GRID2: variants seen among roughly 807,000 people sequenced by gnomAD.
GRID2 encodes glutamate receptor ionotropic, delta-2.
In GRID2, 33 loss-of-function variants were observed where a neutral mutation model predicts 114.8. The ratio of observed to expected loss-of-function variants is 0.29; its 90% CI spans 0.22 to 0.38. GRID2 has a LOEUF of 0.38. GRID2 is among the 10% of genes least tolerant of loss of function. GRID2 has a pLI of 1.00. For missense variants in GRID2, 1,184 were observed against 1,257.7 expected (o/e 0.94, Z 0.89); for synonymous variants, 505 against 449.9 (o/e 1.12, Z -1.55).
chr4:92,762,246 G>A (rs923237430), intron 2 of GRID2, among the ~76,000 whole-genome samples: 4 of 152,034 alleles, frequency 2.6e-5, no homozygotes, highest in East Asian at 1.9e-4. Flanking sequence ...TTATGATACT[G>A]TCCAGGCTGA....
At chr4:93,405,425 TGTG>T (rs1426461181) in intron 9 of GRID2, among the ~76,000 whole-genome samples, 1 of 152,162 alleles carries the variant, frequency 6.6e-6, no homozygotes, top group Non-Finnish European at 1.5e-5. Context: ...CTATTGTATA[TGTG>T]GTAGCCATGC....
intron 1 of GRID2, among the ~76,000 whole-genome samples, chr4:92,380,152 CTTT>C: frequency 6.6e-6 from 1 of 150,928 alleles, no homozygotes; most frequent in African/African-American, 2.4e-5. Context: ...AGCATTTTTA[CTTT>C]TTTTTTGTAT....
At chr4:92,932,186 A>C (rs1319451575) in intron 2 of GRID2, among the ~76,000 whole-genome samples, 1 of 151,484 alleles carries the variant, frequency 6.6e-6, no homozygotes, top group Non-Finnish European at 1.5e-5. Context: ...ATTTTTATCC[A>C]AAATATTTAA....
chr4:92,396,976 A>G lies in GRID2; in HGVS notation c.88+92232A>G, dbSNP rs537853957. ...TTTTATAGTTATTTGAAATATAAAA[A>G]TCAATTATTAGTCATGAGAATGAAT... On this transcript the variant is annotated intron_variant, in intron 1 of 15. Transcript: ENST00000282020. Among the ~76,000 whole-genome samples the G allele has an allele frequency of 5.4e-4, 82 of 152,222 alleles. No individual in the cohort carries two copies. The East Asian group carries it at 0.015, about 28-fold the overall frequency.
At chr4:93,585,349 T>G (rs1193342037) in intron 13 of GRID2, among the ~76,000 whole-genome samples, 3 of 152,164 alleles carry the variant, frequency 2.0e-5, no homozygotes, top group East Asian at 1.9e-4. Context: ...GTGGAAAGTT[T>G]GCTCAACTTT....
intron 1 of GRID2, among the ~76,000 whole-genome samples, chr4:92,527,993 A>T (rs1254532381): frequency 6.6e-6 from 1 of 152,058 alleles, no homozygotes; most frequent in Non-Finnish European, 1.5e-5. Flanking sequence ...AATGCTAAAG[A>T]TAAAAACAAT....
At chr4:92,333,944 T>A (rs1727032401) in intron 1 of GRID2, among the ~76,000 whole-genome samples, 1 of 152,122 alleles carries the variant, frequency 6.6e-6, no homozygotes, top group African/African-American at 2.4e-5. Context: ...TTACCCAGGT[T>A]GGTCTCAATC....
chr4:92,730,072 T>C (rs149846121), intron 2 of GRID2, among the ~76,000 whole-genome samples: 1 of 152,012 alleles, frequency 6.6e-6, no homozygotes, highest in Non-Finnish European at 1.5e-5. Context: ...TGCTAAACTC[T>C]CTTTGAGTCC....
chr4:93,723,474 T>A (rs2110200510), intron 14 of GRID2, among the ~76,000 whole-genome samples: 1 of 152,282 alleles, frequency 6.6e-6, no homozygotes, highest in African/African-American at 2.4e-5. Flanking sequence ...CAATCAGAAT[T>A]GATGTTAGCT....
rs374983504 is a variant in GRID2 at position 93,214,832 on chromosome 4, A to G, written c.790-1906A>G. On this transcript the variant is annotated intron_variant, in intron 5 of 15. Coordinates refer to ENST00000282020, the MANE Select transcript of GRID2 (RefSeq NM_001510.4). The stretch of plus-strand genomic sequence containing the variant: ...GAATCATCAGGAAATTAAATGCTGA[A>G]ATAATGTATCTTTACAGTTTTAATT... Among the ~76,000 whole-genome samples, 56 of 152,182 alleles carry G rather than the reference A, an allele frequency of 3.7e-4. 1 individual carries two copies. In the South Asian group the frequency reaches 0.012, roughly 32 times the overall value.
rs576455748 is a variant in GRID2, at chr4:93,645,995, A to G, written c.2360+19560A>G. On this transcript the variant is annotated intron_variant, in intron 14 of 15. Transcript: ENST00000282020. ...TGACTACTAAGGCAAGCAGTTTACT[A>G]GAGATTAGAATTCATGTTTATTCAT... 7.9e-5 allele frequency among the ~76,000 whole-genome samples: 12 copies of G among 152,336 alleles called. No homozygotes were observed. In the South Asian group the frequency reaches 2.5e-3, roughly 32 times the overall value.
At chr4:92,679,224 T>C (rs1278048662) in intron 2 of GRID2, among the ~76,000 whole-genome samples, 2 of 152,058 alleles carry the variant, frequency 1.3e-5, no homozygotes, top group Non-Finnish European at 2.9e-5. Context: ...TTAAGTTTTA[T>C]TGGATTTTTG....
intron 4 of GRID2, chr4:93,164,695 T>C (rs919641419): frequency 2.3e-6 from 1 of 429,816 alleles, no homozygotes; most frequent in Non-Finnish European, 4.8e-6. Context: ...GGGAGAAAAG[T>C]GACAAAATAT....
At chr4:93,334,527 A>G (rs1758830665) in intron 8 of GRID2, among the ~76,000 whole-genome samples, 1 of 152,232 alleles carries the variant, frequency 6.6e-6, no homozygotes, top group African/African-American at 2.4e-5. Flanking sequence ...TTACCCATAT[A>G]AACATTTATT....
At position 92,345,766 on chromosome 4, in the gene GRID2, T is replaced by G. The variant is rs549308483; in HGVS notation, c.88+41022T>G. 4.6e-5 allele frequency among the ~76,000 whole-genome samples: 7 copies of G among 152,282 alleles called. No individual in the cohort carries two copies. The South Asian group carries it at 1.2e-3, about 27-fold the overall frequency. On this transcript the variant is annotated intron_variant, in intron 1 of 15. Coordinates refer to ENST00000282020, the MANE Select transcript of GRID2 (RefSeq NM_001510.4). ...AAAGATGAAAAAAGCCCCCAATACT[T>G]TTTTGACCATCACACAAACTATCTT... is the stretch of plus-strand genomic sequence containing the variant.
At chr4:93,089,199 A>G (rs984922970) in intron 3 of GRID2, among the ~76,000 whole-genome samples, 18 of 152,164 alleles carry the variant, frequency 1.2e-4, no homozygotes, top group Admixed American at 7.2e-4. Flanking sequence ...CATTATAGAT[A>G]TAAGAATAAG....
chr4:93,668,334 G>A (rs1178750910), intron 14 of GRID2, among the ~76,000 whole-genome samples: 1 of 151,684 alleles, frequency 6.6e-6, no homozygotes, highest in Non-Finnish European at 1.5e-5. Flanking sequence ...TACACTCAAT[G>A]AACTTTGAGT....
intron 8 of GRID2, among the ~76,000 whole-genome samples, chr4:93,300,446 G>A (rs2149166187): frequency 6.6e-6 from 1 of 152,274 alleles, no homozygotes; most frequent in Non-Finnish European, 1.5e-5. Flanking sequence ...GCAGTGTTAA[G>A]TAGTGAAGAA....
chr4:93,009,561 G>A (rs1210702391), intron 2 of GRID2, among the ~76,000 whole-genome samples: 1 of 151,846 alleles, frequency 6.6e-6, no homozygotes, highest in Non-Finnish European at 1.5e-5. Flanking sequence ...TTCCTTGTGG[G>A]GCCAAAATCA....
Sources: gnomAD v4.1 joint callset for allele counts (sites outside exome capture counted in the v4.1 genomes callset) on GRCh38, gnomAD v4.1.1 for gene constraint, MANE v1.5 for transcripts, NCBI Gene and HGNC (gene_info 2026-07-23, HGNC 2026-07-21) for gene names.